Variants in HPSE2 observed in about 807,000 individuals in gnomAD.
HPSE2 encodes heparanase 2 (inactive).
In HPSE2, 38 loss-of-function variants were observed where a neutral mutation model predicts 60.5. The observed-to-expected ratio is 0.63, with a 90% CI of 0.48 to 0.82. The LOEUF is 0.82. Ranked by LOEUF, HPSE2 falls within the 40% of genes least tolerant of loss-of-function variation. The probability of loss-of-function intolerance (pLI) is 0.00; values close to 1 mark genes in which losing one functional copy is unlikely to be tolerated. For synonymous variants in HPSE2, 295 were observed against 293.2 expected, an observed-to-expected ratio of 1.01 and a Z score of -0.06; for missense variants, 713 against 740.4, an observed-to-expected ratio of 0.96 and a Z score of 0.43.
At chr10:98,674,845 C>T (rs1475874453) in intron 6 of HPSE2, among the ~76,000 whole-genome samples, 1 of 152,092 alleles carries the variant, frequency 6.6e-6, no homozygotes, top group Non-Finnish European at 1.5e-5. Context: ...CCACTTGAAC[C>T]TGGGAAGTGG....
chr10:98,793,907 G>T (rs1950713852), intron 3 of HPSE2, among the ~76,000 whole-genome samples: 1 of 152,200 alleles, frequency 6.6e-6, no homozygotes, highest in African/African-American at 2.4e-5. Flanking sequence ...ATAAAAGGAA[G>T]TGGCAGGTAG....
chr10:98,941,562 G>T (rs1955001947), intron 3 of HPSE2, among the ~76,000 whole-genome samples: 1 of 141,474 alleles, frequency 7.1e-6, no homozygotes, highest in South Asian at 2.1e-4. Flanking sequence ...ACAAACCACT[G>T]CTCAATGAAA....
chr10:99,259,334 G>C, the HPSE2 span, among the ~76,000 whole-genome samples: 1 of 147,942 alleles, frequency 6.8e-6, no homozygotes, highest in South Asian at 2.1e-4. Flanking sequence ...GACACTGTTA[G>C]GAGGCTGAAA....
At chr10:99,041,727 G>T (rs1957743752) in intron 3 of HPSE2, among the ~76,000 whole-genome samples, 1 of 152,116 alleles carries the variant, frequency 6.6e-6, no homozygotes, top group Admixed American at 6.5e-5. Context: ...CAGCCAACTG[G>T]CCTGGGCCCC....
At chr10:98,535,253 C>T (rs1281549618) in intron 9 of HPSE2, among the ~76,000 whole-genome samples, 2 of 151,992 alleles carry the variant, frequency 1.3e-5, no homozygotes, top group African/African-American at 4.8e-5. Flanking sequence ...ATTTGATTTA[C>T]ATCTTGGACA....
At chr10:98,854,633 C>T (rs1952263820) in intron 3 of HPSE2, among the ~76,000 whole-genome samples, 1 of 152,124 alleles carries the variant, frequency 6.6e-6, no homozygotes, top group Non-Finnish European at 1.5e-5. Flanking sequence ...GATAAAACTG[C>T]TGCCCTCAAG....
At chr10:98,756,706 G>T (rs1949886726) in intron 3 of HPSE2, among the ~76,000 whole-genome samples, 1 of 151,950 alleles carries the variant, frequency 6.6e-6, no homozygotes, top group South Asian at 2.1e-4. Flanking sequence ...AAACAAAAAA[G>T]CCCTGGACCA....
upstream of HPSE2, among the ~76,000 whole-genome samples, chr10:99,237,849 C>CT (rs1329546694): frequency 1.3e-5 from 2 of 152,194 alleles, no homozygotes; most frequent in Non-Finnish European, 2.9e-5. Context: ...CGGGCAAACA[C>CT]TTTTGCCTTT....
At chr10:99,138,161 T>C (rs1053751109) in intron 3 of HPSE2, among the ~76,000 whole-genome samples, 1 of 152,134 alleles carries the variant, frequency 6.6e-6, no homozygotes, top group Non-Finnish European at 1.5e-5. Flanking sequence ...CACTGGTCAT[T>C]GGAGAAATGC....
chr10:99,103,663 C>CCCG (rs1212079130), intron 3 of HPSE2, among the ~76,000 whole-genome samples: 2 of 152,154 alleles, frequency 1.3e-5, no homozygotes, highest in African/African-American at 4.8e-5. Context: ...CAAAAGAGAG[C>CCCG]CCGCATTGCC....
At chr10:98,731,933 C>T (rs936618729) in intron 4 of HPSE2, among the ~76,000 whole-genome samples, 1 of 152,046 alleles carries the variant, frequency 6.6e-6, no homozygotes, top group Non-Finnish European at 1.5e-5. Flanking sequence ...ATAAATTCAG[C>T]AAGGTTGGAG....
intron 3 of HPSE2, chr10:99,013,484 T>C: frequency 2.5e-6 from 1 of 395,282 alleles, no homozygotes. Flanking sequence ...ATTATTATTA[T>C]TATTTGAGAT....
At chr10:98,686,636 C>T (rs1003383249) in intron 6 of HPSE2, among the ~76,000 whole-genome samples, 10 of 152,162 alleles carry the variant, frequency 6.6e-5, no homozygotes, top group Non-Finnish European at 1.3e-4. Flanking sequence ...AACTCCTTGC[C>T]TCAAGTGATC....
chr10:99,098,024 T>C (rs1473667831), intron 3 of HPSE2, among the ~76,000 whole-genome samples: 1 of 152,180 alleles, frequency 6.6e-6, no homozygotes, highest in East Asian at 1.9e-4. Context: ...CTTTTCCATT[T>C]CCAAGTGTAA....
chr10:99,301,797 C>T, the HPSE2 span, among the ~76,000 whole-genome samples: 6 of 151,898 alleles, frequency 4.0e-5, no homozygotes, highest in Admixed American at 1.3e-4. Context: ...GAGCCCCCAC[C>T]AAGTACAGGA....
chr10:98,752,353 A>G (rs920716064), intron 3 of HPSE2, among the ~76,000 whole-genome samples: 2 of 152,206 alleles, frequency 1.3e-5, no homozygotes, highest in Non-Finnish European at 2.9e-5. Flanking sequence ...GTAAAGACAG[A>G]CAAATTTGAC....
intron 3 of HPSE2, among the ~76,000 whole-genome samples, chr10:98,927,052 G>A (rs1954489540): frequency 6.6e-6 from 1 of 152,102 alleles, no homozygotes; most frequent in African/African-American, 2.4e-5. Flanking sequence ...TTTTGGAATA[G>A]GCGTGGTGCT....
intron 9 of HPSE2, among the ~76,000 whole-genome samples, chr10:98,548,718 AGGAGCAC>A (rs1222311965): frequency 6.6e-6 from 1 of 152,288 alleles, no homozygotes; most frequent in East Asian, 1.9e-4. Context: ...GGAATTGCGC[AGGAGCAC>A]ACTTGGAAGC....
intron 3 of HPSE2, among the ~76,000 whole-genome samples, chr10:98,906,524 A>G (rs985440225): frequency 6.6e-6 from 1 of 152,228 alleles, no homozygotes; most frequent in Admixed American, 6.5e-5. Context: ...TATTTATTTT[A>G]GAGACAAATG....
Sources: allele counts gnomAD v4.1 joint callset (sites outside exome capture counted in the v4.1 genomes callset), GRCh38; gene constraint gnomAD v4.1.1; transcripts MANE v1.5; gene names NCBI Gene and HGNC (gene_info 2026-07-23, HGNC 2026-07-21).